The following RIN3 variants were observed in gnomAD, a reference collection of about 807,000 sequenced individuals.
RIN3 encodes the protein Ras and Rab interactor 3.
In RIN3, 54 loss-of-function variants were observed where a neutral mutation model predicts 76.3. The observed-to-expected ratio is 0.71, with a 90% CI of 0.57 to 0.89. The LOEUF (loss-of-function observed/expected upper bound fraction) is 0.89. RIN3 is among the 40% of genes least tolerant of loss of function. The pLI is 0.00. For synonymous variants in RIN3, 576 were observed against 564.0 expected (o/e 1.02, Z -0.30); for missense variants, 1,256 against 1,322.1 (o/e 0.95, Z 0.78).
chr14:92,513,944 C>G lies in RIN3; in HGVS notation c.12C>G (p.His4Gln). 5 of 1,245,772 alleles carry G rather than the reference C, an allele frequency of 4.0e-6. No individual in the cohort carries two copies. The highest frequency in any genetic ancestry group is 4.0e-6 in the Non-Finnish European group (4 of 995,032). 77.2% of individuals were successfully genotyped at this position (1,245,772 alleles called of 1,614,324 possible). A position where few individuals can be genotyped will look rare whatever the true frequency, so the allele number is the denominator to read the frequency against. Residue 4 changes from histidine to glutamine, a missense_variant, in exon 1 of 10, where the codon CAC becomes CAG. His to Gln is a conservative substitution (Grantham distance 24). This residue lies in a region of RIN3 where 610 missense variants were observed against 626.4 expected (regional missense o/e 0.97). Coordinates refer to ENST00000216487, the MANE Select transcript of RIN3 (RefSeq NM_024832.5). ...GAGCTGCCGGCGGCATGATCCGACA[C>G]GCCGGGGCGCCCGCGCGCGGGGACC... MIRHAGAPARGDPT... is the reference protein window; with the variant it reads MIRQAGAPARGDPT...
At chr14:92,551,343 T>C (rs1351123192) in intron 1 of RIN3, among the ~76,000 whole-genome samples, 3 of 152,204 alleles carry the variant, frequency 2.0e-5, no homozygotes, top group Non-Finnish European at 4.4e-5. Context: ...CGTTTGTTTA[T>C]CCATTCTGCC....
At chr14:92,672,751 A>C (rs903325763) in intron 7 of RIN3, among the ~76,000 whole-genome samples, 1 of 152,118 alleles carries the variant, frequency 6.6e-6, no homozygotes, top group Non-Finnish European at 1.5e-5. Flanking sequence ...CATACAACTA[A>C]AACTACTCCA....
At chr14:92,675,052 C>T (rs1888414685) in intron 7 of RIN3, among the ~76,000 whole-genome samples, 2 of 152,160 alleles carry the variant, frequency 1.3e-5, no homozygotes, top group South Asian at 2.1e-4. Flanking sequence ...AATGAAGCCA[C>T]ATGTGAAAAT....
intron 3 of RIN3, among the ~76,000 whole-genome samples, chr14:92,591,928 A>C (rs954022823): frequency 6.6e-6 from 1 of 152,230 alleles, no homozygotes. Context: ...AGGCAAAAGA[A>C]AAATGTTTAC....
intron 4 of RIN3, among the ~76,000 whole-genome samples, chr14:92,624,941 C>T (rs1221168027): frequency 1.3e-5 from 2 of 151,896 alleles, no homozygotes; most frequent in African/African-American, 4.8e-5. Flanking sequence ...TATGGTCCCT[C>T]CCAGGACGGT....
Position 92,624,867 on chromosome 14 carries a change from G to A in RIN3, c.440+9388G>A, listed in dbSNP as rs115338564. On this transcript the variant is annotated intron_variant, in intron 4 of 9. Coordinates refer to ENST00000216487, the MANE Select transcript of RIN3 (RefSeq NM_024832.5). ...GAGGGGGCGGTGCTTTCTTGACTCGGGTGTGATGGGTCCATCCTTTCTCGG... is the reference window on the plus strand; with the variant it reads ...GAGGGGGCGGTGCTTTCTTGACTCGAGTGTGATGGGTCCATCCTTTCTCGG... Among the ~76,000 whole-genome samples the A allele has an allele frequency of 5.9e-3, 891 of 152,256 alleles. 8 individuals carry two copies. Among genetic ancestry groups the A allele is most frequent in the African/African-American group, 0.02 (829 of 41,538 alleles).
intron 3 of RIN3, among the ~76,000 whole-genome samples, chr14:92,612,186 T>C (rs1885766001): frequency 6.6e-6 from 1 of 152,042 alleles, no homozygotes; most frequent in African/African-American, 2.4e-5. Flanking sequence ...ATCACCTGTT[T>C]TATAGGTGAA....
chr14:92,571,200 A>G (rs1032867455), intron 2 of RIN3, among the ~76,000 whole-genome samples: 2 of 152,346 alleles, frequency 1.3e-5, no homozygotes, highest in East Asian at 1.9e-4. Context: ...ATCTTCCACT[A>G]CATGGCTATA....
intron 1 of RIN3, among the ~76,000 whole-genome samples, chr14:92,536,539 C>T (rs1208956940): frequency 6.6e-6 from 1 of 151,950 alleles, no homozygotes; most frequent in Non-Finnish European, 1.5e-5. Context: ...GTCAGGAGAT[C>T]GAGATCATCC....
At chr14:92,585,725 G>A (rs1324569917) in intron 3 of RIN3, among the ~76,000 whole-genome samples, 1 of 152,064 alleles carries the variant, frequency 6.6e-6, no homozygotes, top group Admixed American at 6.6e-5. Flanking sequence ...CAACCTCCTG[G>A]GCTCAAGCGA....
At chr14:92,649,875 T>G (rs937959490) in intron 5 of RIN3, among the ~76,000 whole-genome samples, 1 of 152,150 alleles carries the variant, frequency 6.6e-6, no homozygotes, top group Non-Finnish European at 1.5e-5. Flanking sequence ...AGGACAGGGC[T>G]GGGGGGTGCA....
chr14:92,621,946 C>T (rs1473412712), intron 4 of RIN3, among the ~76,000 whole-genome samples: 4 of 152,186 alleles, frequency 2.6e-5, no homozygotes, highest in Admixed American at 6.5e-5. Flanking sequence ...ACCAAAATTT[C>T]GGGTAAAGCA....
chr14:92,577,408 G>A lies in RIN3; in HGVS notation c.298G>A (p.Val100Ile), dbSNP rs772792357. Residue 100 changes from valine to isoleucine, a missense_variant, in exon 3 of 10, where the codon GTC becomes ATC. Physicochemically the swap from Val to Ile is conservative, Grantham distance 29 (BLOSUM62 3). Coordinates refer to ENST00000216487, the MANE Select transcript of RIN3 (RefSeq NM_024832.5). ...DSSSKQLVLC[V>I]HFPSLNESSA... ...CAGCTCGAAGCAGCTGGTGCTCTGT[G>A]TCCACTTTCCTTCTCTGAACGAAAG... 5.0e-6 allele frequency: 8 copies of A among 1,613,776 alleles called. No homozygotes were observed. In the Admixed American group the frequency reaches 1.3e-4, roughly 27 times the overall value.
chr14:92,524,745 G>T lies in RIN3; in HGVS notation c.44+10769G>T, dbSNP rs151322963. 8.5e-5 allele frequency among the ~76,000 whole-genome samples: 13 copies of T among 152,334 alleles called. No homozygotes were observed. The East Asian group carries it at 2.5e-3, about 29-fold the overall frequency. ...CTTCATCCAGCCCCTGCTTGCAGAT[G>T]AATTGGTGGCTCAGAGAGGGGAAGT... is the stretch of plus-strand genomic sequence containing the variant. On this transcript the variant is annotated intron_variant, in intron 1 of 9. Transcript: ENST00000216487.
intron 3 of RIN3, among the ~76,000 whole-genome samples, chr14:92,578,894 G>A (rs955038285): frequency 2.6e-5 from 4 of 152,034 alleles, no homozygotes; most frequent in Non-Finnish European, 4.4e-5. Context: ...CTCTGGCTAC[G>A]TGACTCCTGA....
chr14:92,569,263 A>C (rs1404477110), intron 2 of RIN3, among the ~76,000 whole-genome samples: 3 of 152,186 alleles, frequency 2.0e-5, no homozygotes, highest in Non-Finnish European at 4.4e-5. Flanking sequence ...CAGGAGACAG[A>C]AGCACAAAAC....
intron 3 of RIN3, among the ~76,000 whole-genome samples, chr14:92,614,056 T>C (rs1885855750): frequency 6.6e-6 from 1 of 152,172 alleles, no homozygotes. Flanking sequence ...GGTGCCGTGT[T>C]CTCCACTGGT....
intron 2 of RIN3, among the ~76,000 whole-genome samples, chr14:92,557,642 C>G (rs1280902726): frequency 6.6e-6 from 1 of 152,236 alleles, no homozygotes; most frequent in Admixed American, 6.5e-5. Flanking sequence ...AGGCCCCTGT[C>G]ACAGGGAGTG....
At chr14:92,547,979 C>T (rs781500586) in intron 1 of RIN3, among the ~76,000 whole-genome samples, 2 of 152,174 alleles carry the variant, frequency 1.3e-5, no homozygotes, top group Non-Finnish European at 2.9e-5. Context: ...GCTGGGATTA[C>T]AGGCATGAGT....
Sources: allele counts gnomAD v4.1 joint callset (sites outside exome capture counted in the v4.1 genomes callset), GRCh38; gene constraint gnomAD v4.1.1; regional missense constraint gnomAD v4.1.1; transcripts MANE v1.5; gene names NCBI Gene and HGNC (gene_info 2026-07-23, HGNC 2026-07-21).